The following COPG2 variants were observed in gnomAD, a reference collection of about 807,000 sequenced individuals.
The protein encoded by COPG2 is coatomer subunit gamma-2.
Under a neutral mutation model 46.3 loss-of-function variants are expected in COPG2, and 37 were observed. That is an observed-to-expected ratio of 0.80 (90% CI 0.61 to 1.05). The LOEUF is 1.05. COPG2 is among the 50% of genes least tolerant of loss of function. COPG2 has a pLI of 0.00. For synonymous variants in COPG2, 159 were observed against 129.7 expected, an observed-to-expected ratio of 1.23 and a Z score of -1.53; for missense variants, 427 against 387.8, an observed-to-expected ratio of 1.10 and a Z score of -0.85.
chr7:130,576,357 A>G (rs1209749233), intron 9 of COPG2, among the ~76,000 whole-genome samples: 1 of 152,256 alleles, frequency 6.6e-6, no homozygotes, highest in East Asian at 1.9e-4. Context: ...AATTGAAATT[A>G]TATCAAGAAC....
intron 5 of COPG2, among the ~76,000 whole-genome samples, chr7:130,634,107 G>A (rs575958348): frequency 1.3e-5 from 2 of 152,322 alleles, no homozygotes; most frequent in East Asian, 3.9e-4. Flanking sequence ...GTATCACGCT[G>A]TTTTGGTTAC....
intron 5 of COPG2, among the ~76,000 whole-genome samples, chr7:130,621,771 C>T (rs781991589): frequency 6.6e-6 from 1 of 151,802 alleles, no homozygotes; most frequent in Non-Finnish European, 1.5e-5. Context: ...AGTGAAACCC[C>T]GTCTCTACTA....
intron 9 of COPG2, among the ~76,000 whole-genome samples, chr7:130,595,389 T>TG: frequency 6.6e-6 from 1 of 152,144 alleles, no homozygotes; most frequent in African/African-American, 2.4e-5. Context: ...GTTAATGGGT[T>TG]GGGTGCTTTC....
intron 9 of COPG2, among the ~76,000 whole-genome samples, chr7:130,577,461 C>A (rs1339279288): frequency 6.6e-6 from 1 of 152,120 alleles, no homozygotes; most frequent in South Asian, 2.1e-4. Context: ...CTTTTCCGAC[C>A]GGCTTAAAAA....
intron 20 of COPG2, among the ~76,000 whole-genome samples, chr7:130,532,787 G>C (rs1799841447): frequency 6.6e-6 from 1 of 152,166 alleles, no homozygotes; most frequent in South Asian, 2.1e-4. Flanking sequence ...GGACAGCAGA[G>C]GAGGTGGATT....
chr7:130,508,498 C>G (rs1799540490), intron 21 of COPG2, 64 bp downstream of exon 21: 2 of 701,338 alleles, frequency 2.9e-6, no homozygotes, highest in Non-Finnish European at 5.3e-6. Context: ...AATGTTCTCT[C>G]AAGGCAGAAG....
intron 9 of COPG2, among the ~76,000 whole-genome samples, chr7:130,582,156 T>C (rs1210500573): frequency 1.4e-5 from 2 of 145,800 alleles, no homozygotes; most frequent in African/African-American, 5.1e-5. Context: ...GAGATATAGA[T>C]CAATGGAACA....
At chr7:130,583,805 C>CAAAAAA (rs1168370976) in intron 9 of COPG2, among the ~76,000 whole-genome samples, 1 of 12,358 alleles carries the variant, frequency 8.1e-5, no homozygotes, top group African/African-American at 3.1e-4. Flanking sequence ...GACTCCATCT[C>CAAAAAA]AAAAAAAAAA....
At chr7:130,614,108 G>A (rs1554452534) in intron 6 of COPG2, among the ~76,000 whole-genome samples, 1 of 152,170 alleles carries the variant, frequency 6.6e-6, no homozygotes, top group Non-Finnish European at 1.5e-5. Context: ...TAAATGTGTA[G>A]TGTACTACTA....
chr7:130,549,597 A>G lies in COPG2; in HGVS notation c.1775-221T>C, dbSNP rs1486193190. Among the ~76,000 whole-genome samples, 6 of 152,356 alleles carry G rather than the reference A, an allele frequency of 3.9e-5. No homozygotes were observed. In the East Asian group the frequency reaches 1.2e-3, roughly 29 times the overall value. On this transcript the variant is annotated intron_variant, in intron 17 of 23. Coordinates refer to ENST00000425248, the MANE Select transcript of COPG2 (RefSeq NM_012133.6). ...GAATCATAAAGTAAGCCCTAAAAAT[A>G]TAGAGTTTGCTTTAAATGGACTGGA...
intron 9 of COPG2, among the ~76,000 whole-genome samples, chr7:130,584,881 T>C (rs1794232598): frequency 6.6e-6 from 1 of 151,974 alleles, no homozygotes; most frequent in Non-Finnish European, 1.5e-5. Context: ...ATGACCATAC[T>C]GCCAAAAGCA....
intron 5 of COPG2, among the ~76,000 whole-genome samples, chr7:130,623,809 AC>A (rs1163377368): frequency 6.6e-6 from 1 of 152,094 alleles, no homozygotes; most frequent in African/African-American, 2.4e-5. Flanking sequence ...ACATAATGAG[AC>A]CTTGTCTCAA....
At chr7:130,651,303 T>TA (rs1795733801) in intron 5 of COPG2, among the ~76,000 whole-genome samples, 1 of 151,382 alleles carries the variant, frequency 6.6e-6, no homozygotes, top group Non-Finnish European at 1.5e-5. Context: ...TCCACATTTT[T>TA]TATATATATA....
At chr7:130,665,679 C>A (rs1271693351) in intron 3 of COPG2, among the ~76,000 whole-genome samples, 1 of 151,978 alleles carries the variant, frequency 6.6e-6, no homozygotes, top group African/African-American at 2.4e-5. Context: ...AAATACTACA[C>A]CATTTGTATG....
At chr7:130,638,164 C>T (rs1740909937) in intron 5 of COPG2, among the ~76,000 whole-genome samples, 1 of 152,120 alleles carries the variant, frequency 6.6e-6, no homozygotes, top group South Asian at 2.1e-4. Context: ...TCTGTTGACC[C>T]CTGCTGGGAG....
At position 130,623,227 on chromosome 7, in the gene COPG2, C is replaced by A. The variant is rs561916206; in HGVS notation, c.324-6162G>T. On this transcript the variant is annotated intron_variant, in intron 5 of 23. Coordinates refer to ENST00000425248, the MANE Select transcript of COPG2 (RefSeq NM_012133.6). Reference sequence around the variant, plus strand: ...AGTTAAATGCTTCTGTCTTTTCACACCTGAAAAACACTGGCCCCAGGAACC... The same window carrying A: ...AGTTAAATGCTTCTGTCTTTTCACAACTGAAAAACACTGGCCCCAGGAACC... Among the ~76,000 whole-genome samples, 7 of 152,282 alleles carry A rather than the reference C, an allele frequency of 4.6e-5. No homozygotes were observed. The South Asian group carries it at 1.5e-3, about 32-fold the overall frequency.
intron 20 of COPG2, among the ~76,000 whole-genome samples, chr7:130,532,804 A>C (rs1799841644): frequency 6.6e-6 from 1 of 152,136 alleles, no homozygotes; most frequent in Non-Finnish European, 1.5e-5. Context: ...GATTCGGTGC[A>C]GTACGTGTGA....
intron 20 of COPG2, among the ~76,000 whole-genome samples, chr7:130,526,759 T>C (rs1274763519): frequency 6.7e-6 from 1 of 149,672 alleles, no homozygotes; most frequent in Non-Finnish European, 1.5e-5. Flanking sequence ...CTTAAAGCCT[T>C]GAACTTTGTT....
At chr7:130,618,831 TA>T (rs143401556) in intron 5 of COPG2, among the ~76,000 whole-genome samples, 27 of 152,308 alleles carry the variant, frequency 1.8e-4, no homozygotes, top group Non-Finnish European at 3.1e-4. Flanking sequence ...TCATTTTGGA[TA>T]AAGTACCTCA....
Sources: allele counts gnomAD v4.1 joint callset (sites outside exome capture counted in the v4.1 genomes callset), GRCh38; gene constraint gnomAD v4.1.1; transcripts MANE v1.5; gene names NCBI Gene and HGNC (gene_info 2026-07-23, HGNC 2026-07-21).